Variants in EDIL3 observed in about 807,000 individuals in gnomAD.
EDIL3 encodes the protein EGF-like repeat and discoidin I-like domain-containing protein 3.
In EDIL3, 37 loss-of-function variants were observed where a neutral mutation model predicts 67.4. The ratio of observed to expected loss-of-function variants is 0.55; its 90% CI spans 0.42 to 0.72. The LOEUF (loss-of-function observed/expected upper bound fraction) is 0.72, where lower values mean the gene tolerates loss of function less well. EDIL3 is among the 30% of genes least tolerant of loss of function. The pLI is 0.00. For missense variants in EDIL3, 527 were observed against 586.3 expected (o/e 0.90, Z 1.04); for synonymous variants, 195 against 196.3 (o/e 0.99, Z 0.05).
intron 4 of EDIL3, among the ~76,000 whole-genome samples, chr5:84,162,715 G>C (rs576289623): frequency 4.6e-5 from 7 of 152,034 alleles, no homozygotes; most frequent in African/African-American, 1.7e-4. Context: ...TCTTGGTTTT[G>C]AGAAGTCCAC....
At chr5:84,353,769 A>C (rs553021644) in intron 1 of EDIL3, among the ~76,000 whole-genome samples, 1 of 152,190 alleles carries the variant, frequency 6.6e-6, no homozygotes, top group Non-Finnish European at 1.5e-5. Flanking sequence ...AGTTATTCCA[A>C]GGACTGCTCT....
chr5:84,184,384 T>C (rs1202513768), intron 3 of EDIL3, among the ~76,000 whole-genome samples: 1 of 152,130 alleles, frequency 6.6e-6, no homozygotes, highest in Non-Finnish European at 1.5e-5. Context: ...AGAAATATAG[T>C]CTTCAAGGAG....
At chr5:84,351,134 T>G (rs1029903970) in intron 1 of EDIL3, among the ~76,000 whole-genome samples, 1 of 152,128 alleles carries the variant, frequency 6.6e-6, no homozygotes, top group African/African-American at 2.4e-5. Flanking sequence ...ATTAGCTTTT[T>G]AGGGTATTAA....
At chr5:84,009,029 C>T (rs1745473558) in intron 9 of EDIL3, among the ~76,000 whole-genome samples, 1 of 152,158 alleles carries the variant, frequency 6.6e-6, no homozygotes, top group African/African-American at 2.4e-5. Context: ...CCCAGCTGGT[C>T]TTAAACTCCT....
intron 10 of EDIL3, among the ~76,000 whole-genome samples, chr5:83,961,678 A>T (rs1174390021): frequency 3.3e-5 from 5 of 151,252 alleles, no homozygotes; most frequent in Non-Finnish European, 5.9e-5. Context: ...GTTTAAAAAA[A>T]TTCATCTTAT....
intron 3 of EDIL3, among the ~76,000 whole-genome samples, chr5:84,183,567 A>G (rs1158859594): frequency 1.3e-5 from 2 of 152,184 alleles, no homozygotes; most frequent in Non-Finnish European, 2.9e-5. Flanking sequence ...AAAACCAAAT[A>G]CGAATTCAGA....
chr5:84,380,914 T>C (rs1371709262), intron 1 of EDIL3, among the ~76,000 whole-genome samples: 1 of 151,986 alleles, frequency 6.6e-6, no homozygotes, highest in Non-Finnish European at 1.5e-5. Flanking sequence ...CACATGTATC[T>C]AGAGAGAAAA....
chr5:84,323,645 T>C (rs1746693511), intron 1 of EDIL3, among the ~76,000 whole-genome samples: 1 of 151,824 alleles, frequency 6.6e-6, no homozygotes, highest in Non-Finnish European at 1.5e-5. Flanking sequence ...TTTAACAAAA[T>C]GTTCCAACTA....
intron 3 of EDIL3, among the ~76,000 whole-genome samples, chr5:84,195,224 G>T (rs1362440829): frequency 6.6e-6 from 1 of 151,818 alleles, no homozygotes; most frequent in African/African-American, 2.4e-5. Flanking sequence ...GCCCATTAGT[G>T]TACAGAGAAA....
chr5:84,068,827 C>A lies in EDIL3; in HGVS notation c.652-2221G>T, dbSNP rs529284094. Among the ~76,000 whole-genome samples the A allele has an allele frequency of 5.3e-5, 8 of 152,206 alleles. No homozygotes were observed. In the South Asian group the frequency reaches 1.7e-3, roughly 32 times the overall value. ...AATAATTCAATATAAGGAAGCTAAG[C>A]TGTCACCATCATAGTCATACTCAAA... is the stretch of plus-strand genomic sequence containing the variant. On this transcript the variant is annotated intron_variant, in intron 6 of 10. Coordinates refer to ENST00000296591, the MANE Select transcript of EDIL3 (RefSeq NM_005711.5).
intron 1 of EDIL3, among the ~76,000 whole-genome samples, chr5:84,292,850 A>C (rs1195499710): frequency 6.6e-6 from 1 of 152,192 alleles, no homozygotes; most frequent in Non-Finnish European, 1.5e-5. Flanking sequence ...CAGCCTTGCA[A>C]GATCGAGTGT....
chr5:84,338,631 T>A (rs1747036142), intron 1 of EDIL3, among the ~76,000 whole-genome samples: 1 of 152,128 alleles, frequency 6.6e-6, no homozygotes, highest in Non-Finnish European at 1.5e-5. Flanking sequence ...ATAAGCCTTG[T>A]AACAAAACTC....
At chr5:83,964,761 A>G (rs1029056077) in intron 9 of EDIL3, among the ~76,000 whole-genome samples, 2 of 152,060 alleles carry the variant, frequency 1.3e-5, no homozygotes, top group African/African-American at 4.8e-5. Flanking sequence ...AGGACAAAAG[A>G]CCACCTTTAA....
chr5:84,083,950 T>G (rs1747023632), intron 6 of EDIL3, among the ~76,000 whole-genome samples: 1 of 152,174 alleles, frequency 6.6e-6, no homozygotes, highest in Admixed American at 6.5e-5. Flanking sequence ...ATTGGATGAT[T>G]CTGGTCTTCA....
intron 1 of EDIL3, among the ~76,000 whole-genome samples, chr5:84,366,928 A>G (rs1747750471): frequency 6.6e-6 from 1 of 152,220 alleles, no homozygotes; most frequent in African/African-American, 2.4e-5. Context: ...AAATGTCCCA[A>G]CAAAAATATT....
At chr5:84,233,817 C>A (rs1261510260) in intron 2 of EDIL3, among the ~76,000 whole-genome samples, 1 of 152,102 alleles carries the variant, frequency 6.6e-6, no homozygotes, top group Non-Finnish European at 1.5e-5. Context: ...GACACAGAGG[C>A]TTGTGGCCCC....
intron 3 of EDIL3, among the ~76,000 whole-genome samples, chr5:84,187,026 T>C (rs1326208552): frequency 1.3e-5 from 2 of 152,082 alleles, no homozygotes; most frequent in African/African-American, 4.8e-5. Context: ...GTAATATCAC[T>C]CTTAACAATG....
At chr5:84,106,504 G>T in intron 6 of EDIL3, 145 bp downstream of exon 6, 1 of 930,500 alleles carries the variant, frequency 1.1e-6, no homozygotes. Flanking sequence ...AGAATTGGGA[G>T]CTAATTTGAA....
chr5:84,120,178 C>A (rs1747749787), intron 5 of EDIL3, among the ~76,000 whole-genome samples: 2 of 151,914 alleles, frequency 1.3e-5, no homozygotes, highest in Admixed American at 1.3e-4. Flanking sequence ...CAAGAGTTGT[C>A]AAAAGCACAT....
Sources: allele counts gnomAD v4.1 joint callset (sites outside exome capture counted in the v4.1 genomes callset), GRCh38; gene constraint gnomAD v4.1.1; transcripts MANE v1.5; gene names NCBI Gene and HGNC (gene_info 2026-07-23, HGNC 2026-07-21).